KMT2E: variants seen among roughly 807,000 people sequenced by gnomAD.
The protein encoded by KMT2E is histone reader KMT2E.
KMT2E carries 30 observed loss-of-function variants against 184.6 expected under a neutral mutation model. The ratio of observed to expected loss-of-function variants is 0.16; its 90% CI spans 0.12 to 0.22. The LOEUF (loss-of-function observed/expected upper bound fraction) is 0.22, where lower values mean the gene tolerates loss of function less well. Ranked by LOEUF, KMT2E falls within the 10% of genes least tolerant of loss-of-function variation. KMT2E has a pLI of 1.00. For synonymous variants in KMT2E, 815 were observed against 776.5 expected (o/e 1.05, Z -0.82); for missense variants, 2,023 against 2,237.4 (o/e 0.90, Z 1.93).
At chr7:105,023,544 A>C (rs1314905544) in intron 1 of KMT2E, among the ~76,000 whole-genome samples, 2 of 148,986 alleles carry the variant, frequency 1.3e-5, no homozygotes, top group Non-Finnish European at 3.0e-5. Context: ...TTCCGGGTTC[A>C]TGCCATTCTC....
chr7:105,091,690 C>CTA (rs1562921797), intron 15 of KMT2E: 1 of 288,848 alleles, frequency 3.5e-6, no homozygotes, highest in African/African-American at 2.2e-5. Flanking sequence ...TTAAACCTTA[C>CTA]TATAGCACCA....
chr7:105,107,810 A>G lies in KMT2E; in HGVS notation c.3353A>G (p.Glu1118Gly). 2 of 1,614,178 alleles carry G rather than the reference A, an allele frequency of 1.2e-6. No individual in the cohort carries two copies. Among genetic ancestry groups the G allele is most frequent in the Middle Eastern group, 1.6e-4 (1 of 6,062 alleles). The change falls in exon 22 of 27, where the codon GAA becomes GGA. Residue 1118 changes from glutamate to glycine, a missense_variant. Coordinates refer to ENST00000311117, the MANE Select transcript of KMT2E (RefSeq NM_182931.3). ...GATGATACTAGAGGCATGTTTATGG[A>G]AACAACTGTGTTTTGTACTTCCGAA... ...MQDDTRGMFMETTVFCTSEDG... is the reference protein window; with the variant it reads ...MQDDTRGMFMGTTVFCTSEDG...
At chr7:105,017,960 C>A (rs1487768371) in intron 1 of KMT2E, among the ~76,000 whole-genome samples, 1 of 152,058 alleles carries the variant, frequency 6.6e-6, no homozygotes, top group African/African-American at 2.4e-5. Context: ...GAAATCATTG[C>A]CATATATGCC....
chr7:105,076,946 T>A lies in KMT2E; in HGVS notation c.769-17T>A, dbSNP rs1423692367. The A allele has an allele frequency of 1.3e-6, 2 of 1,575,698 alleles. No homozygotes were observed. The highest frequency in any genetic ancestry group is 1.7e-6 in the Non-Finnish European group (2 of 1,146,274). ...AGTCCGTAAGTCCAGATACTAAAGC[T>A]CAGTTTATGATTTTAGGGTTCAGCT... is the stretch of plus-strand genomic sequence containing the variant. On this transcript the variant is annotated splice_polypyrimidine_tract_variant and intron_variant, in intron 9 of 26. Transcript: ENST00000311117.
In KMT2E at chr7:105,114,071, A is replaced by G. The variant is rs919955615; in HGVS notation, c.*738A>G. ...TTTTAATTCATGTTAATAAATCACA[A>G]TTATGTCAGTTTTACCAGATTGTCC... On this transcript the variant is annotated 3_prime_UTR_variant, in exon 27 of 27. Transcript: ENST00000311117. 2.0e-5 allele frequency: 3 copies of G among 152,636 alleles called. No homozygotes were observed. Among genetic ancestry groups the G allele is most frequent in the Admixed American group, 2.0e-4 (3 of 15,280 alleles). 9.5% of individuals were successfully genotyped at this position (152,636 alleles called of 1,614,324 possible).
chr7:105,063,590 T>C lies in KMT2E; in HGVS notation c.416+10T>C. 1 of 1,503,000 alleles carries C rather than the reference T, an allele frequency of 6.7e-7. No homozygotes were observed. The highest frequency in any genetic ancestry group is 1.2e-5 in the South Asian group (1 of 82,184). The allele number at this position is 1,503,000 out of a possible 1,614,324, so 93.1% of individuals were successfully genotyped here. A position where few individuals can be genotyped will look rare whatever the true frequency, so the allele number is the denominator to read the frequency against. On this transcript the variant is annotated intron_variant, in intron 5 of 26. Transcript: ENST00000311117. ...GTTGTGACAAATGCAGGTAAAATAT[T>C]TTACACCATTATTTTATTTTTCTTG...
chr7:105,036,430 A>G (rs1240069094), intron 1 of KMT2E, among the ~76,000 whole-genome samples: 3 of 152,072 alleles, frequency 2.0e-5, no homozygotes, highest in African/African-American at 4.8e-5. Context: ...AGGCCTCCCA[A>G]AGTGCTGGGA....
At chr7:105,026,566 C>G (rs1795186255) in intron 1 of KMT2E, among the ~76,000 whole-genome samples, 1 of 152,154 alleles carries the variant, frequency 6.6e-6, no homozygotes, top group Non-Finnish European at 1.5e-5. Flanking sequence ...TCGCTGGAGT[C>G]AGATTGTGTG....
At chr7:105,079,692 T>G (rs2129568275) in intron 12 of KMT2E, among the ~76,000 whole-genome samples, 1 of 151,398 alleles carries the variant, frequency 6.6e-6, no homozygotes, top group South Asian at 2.1e-4. Flanking sequence ...GCCCAGCTAA[T>G]TTTTTAAATT....
At chr7:105,059,842 C>T (rs575878427) in intron 3 of KMT2E, among the ~76,000 whole-genome samples, 8 of 151,980 alleles carry the variant, frequency 5.3e-5, no homozygotes, top group Admixed American at 3.3e-4. Flanking sequence ...CTTACATTTT[C>T]TTATTACTGC....
chr7:105,092,109 A>G (rs1798229608), intron 15 of KMT2E, among the ~76,000 whole-genome samples: 1 of 152,046 alleles, frequency 6.6e-6, no homozygotes, highest in Non-Finnish European at 1.5e-5. Flanking sequence ...TCACATATTT[A>G]AGGGTGGGAT....
intron 13 of KMT2E, among the ~76,000 whole-genome samples, chr7:105,088,386 A>G (rs1798071105): frequency 6.6e-6 from 1 of 152,222 alleles, no homozygotes; most frequent in Non-Finnish European, 1.5e-5. Flanking sequence ...AGGTAGGACC[A>G]TAAATGTTTG....
intron 13 of KMT2E, among the ~76,000 whole-genome samples, chr7:105,084,961 A>G (rs745507290): frequency 2.1e-4 from 32 of 152,180 alleles, no homozygotes; most frequent in Admixed American, 3.3e-4. Context: ...TTAACTTTTT[A>G]TAATTTGTGT....
intron 21 of KMT2E, 24 bp from the exon 22 acceptor site, chr7:105,107,337 AT>A (rs759777829): frequency 7.6e-3 from 9,243 of 1,211,004 alleles, no homozygotes; most frequent in South Asian, 0.013. Context: ...TATTTGTGTA[AT>A]TTTTTTTTTT....
At position 105,064,164 on chromosome 7, in the gene KMT2E, G is replaced by GTTTTTTTTTTTTTTTTTTTTTTTTTTTT; in HGVS notation, c.416+585_416+612dup. ...GGTTTTGTATCATTTTTTTTTCTTG[G>GTTTTTTTTTTTTTTTTTTTTTTTTTTTT]TTTTTTTTTTTTTTTTTTTTTTTTT... On this transcript the variant is annotated intron_variant, in intron 5 of 26. Transcript: ENST00000311117. 2.7e-5 allele frequency: 2 copies of GTTTTTTTTTTTTTTTTTTTTTTTTTTTT among 74,154 alleles called. 1 individual carries two copies. Among genetic ancestry groups the GTTTTTTTTTTTTTTTTTTTTTTTTTTTT allele is most frequent in the Non-Finnish European group, 4.8e-5 (2 of 41,478 alleles). 4.6% of individuals were successfully genotyped at this position (74,154 alleles called of 1,614,324 possible). A position where few individuals can be genotyped will look rare whatever the true frequency, so the allele number is the denominator to read the frequency against.
At position 105,112,084 on chromosome 7, in the gene KMT2E, C is replaced by G; in HGVS notation, c.4328C>G (p.Pro1443Arg). ...GTGCCAACAAAGTTGCACTGTCCTC[C>G]ATCACCTCACCTAGAAAATCCTCCA... ...PSVPTKLHCP[P>R]SPHLENPPKS... The change falls in exon 27 of 27, where the codon CCA (proline) becomes CGA (arginine). Residue 1443 changes from proline (P) to arginine (R), a missense_variant. Coordinates refer to ENST00000311117, the MANE Select transcript of KMT2E (RefSeq NM_182931.3). 6.2e-7 allele frequency: 1 copy of G among 1,614,164 alleles called. No individual in the cohort carries two copies. Among genetic ancestry groups the G allele is most frequent in the Middle Eastern group, 1.6e-4 (1 of 6,062 alleles).
At chr7:105,086,892 G>A (rs1282890021) in intron 13 of KMT2E, among the ~76,000 whole-genome samples, 1 of 103,818 alleles carries the variant, frequency 9.6e-6, no homozygotes, top group African/African-American at 5.4e-5. Context: ...ATATATTATA[G>A]CATATATATT....
rs534983040 is a variant in KMT2E, at chr7:105,109,386, G to A, written c.3755+158G>A. Among the ~76,000 whole-genome samples the A allele has an allele frequency of 4.9e-4, 74 of 152,296 alleles. No individual in the cohort carries two copies. In the South Asian group the frequency reaches 0.015, roughly 31 times the overall value. Reference sequence around the variant, plus strand: ...TAGGATTTTAAGCCAGCTGTGTATGGCCTGTGTTCTTAAATGTCGATTGTA... The same window carrying A: ...TAGGATTTTAAGCCAGCTGTGTATGACCTGTGTTCTTAAATGTCGATTGTA... On this transcript the variant is annotated intron_variant, in intron 23 of 26. Coordinates refer to ENST00000311117, the MANE Select transcript of KMT2E (RefSeq NM_182931.3).
rs922030458 is a variant in KMT2E, at chr7:105,056,395, A to G, written c.72-5769A>G. The stretch of plus-strand genomic sequence containing the variant: ...CTCTATCTATTACAAGGGTTTAGAC[A>G]TTACTTGCTTTTGAGAGACTGCTTA... On this transcript the variant is annotated intron_variant, in intron 3 of 26. Transcript: ENST00000311117. Among the ~76,000 whole-genome samples, 3 of 152,186 alleles carry G rather than the reference A, an allele frequency of 2.0e-5. No individual in the cohort carries two copies. The East Asian group carries it at 5.8e-4, about 29-fold the overall frequency.
Sources: allele counts gnomAD v4.1 joint callset (sites outside exome capture counted in the v4.1 genomes callset), GRCh38; gene constraint gnomAD v4.1.1; transcripts MANE v1.5; gene names NCBI Gene and HGNC (gene_info 2026-07-23, HGNC 2026-07-21).